Variants in CDH13 observed in about 807,000 individuals in gnomAD.
CDH13 encodes cadherin 13, also known as cadherin-13.
Under a neutral mutation model 63.8 loss-of-function variants are expected in CDH13, and 24 were observed. The observed-to-expected ratio is 0.38, with a 90% confidence interval of 0.27 to 0.53. CDH13 has a LOEUF of 0.53. Ranked by LOEUF, CDH13 falls within the 20% of genes least tolerant of loss-of-function variation. The probability of loss-of-function intolerance (pLI) is 0.85; values close to 1 mark genes in which losing one functional copy is unlikely to be tolerated. For missense variants in CDH13, 1,049 were observed against 903.1 expected (o/e 1.16, Z -2.07); for synonymous variants, 503 against 355.3 (o/e 1.42, Z -4.67).
At chr16:83,773,317 A>G (rs1345682165) in intron 11 of CDH13, among the ~76,000 whole-genome samples, 1 of 152,234 alleles carries the variant, frequency 6.6e-6, no homozygotes, top group African/African-American at 2.4e-5. Flanking sequence ...ATACTACTGT[A>G]TAGCTACTAC....
intron 6 of CDH13, among the ~76,000 whole-genome samples, chr16:83,465,816 A>C (rs565830765): frequency 6.4e-4 from 97 of 152,324 alleles, no homozygotes; most frequent in Non-Finnish European, 1.1e-3. Flanking sequence ...CAGGTGTATC[A>C]GCCGAGGAAG....
chr16:83,376,402 C>T (rs1350455049), intron 6 of CDH13, among the ~76,000 whole-genome samples: 1 of 152,012 alleles, frequency 6.6e-6, no homozygotes, highest in African/African-American at 2.4e-5. Flanking sequence ...ATGGTGGTCG[C>T]TTAAGGGAAA....
chr16:82,795,244 G>T (rs928405271), intron 1 of CDH13, among the ~76,000 whole-genome samples: 3 of 152,168 alleles, frequency 2.0e-5, no homozygotes, highest in East Asian at 3.9e-4. Flanking sequence ...TTTTCCAATG[G>T]ACATGGACAG....
intron 1 of CDH13, among the ~76,000 whole-genome samples, chr16:82,672,776 C>G (rs1421939430): frequency 6.8e-6 from 1 of 146,022 alleles, no homozygotes; most frequent in African/African-American, 2.5e-5. Context: ...TGTACACACA[C>G]ACACACACAC....
chr16:83,182,493 T>C (rs895552725), intron 4 of CDH13, among the ~76,000 whole-genome samples: 1 of 152,358 alleles, frequency 6.6e-6, no homozygotes, highest in African/African-American at 2.4e-5. Flanking sequence ...GTTCACTTTA[T>C]GATCTCCACG....
intron 1 of CDH13, among the ~76,000 whole-genome samples, chr16:82,819,989 G>A (rs577487158): frequency 5.3e-5 from 8 of 152,216 alleles, no homozygotes; most frequent in South Asian, 2.1e-4. Flanking sequence ...AAGTGGTTCC[G>A]AGAGACAGCG....
chr16:83,369,216 G>C (rs1597849142), intron 6 of CDH13, among the ~76,000 whole-genome samples: 1 of 151,484 alleles, frequency 6.6e-6, no homozygotes, highest in African/African-American at 2.4e-5. Flanking sequence ...AAAAATAATA[G>C]ATGCGGGGAA....
chr16:82,809,513 G>C (rs1395642240), intron 1 of CDH13, among the ~76,000 whole-genome samples: 2 of 152,242 alleles, frequency 1.3e-5, no homozygotes, highest in East Asian at 3.9e-4. Context: ...AAGCGTGTAA[G>C]TGATGACGCT....
At chr16:83,603,951 A>G (rs1908088443) in intron 8 of CDH13, among the ~76,000 whole-genome samples, 1 of 152,126 alleles carries the variant, frequency 6.6e-6, no homozygotes, top group African/African-American at 2.4e-5. Context: ...GGAAGGTGCC[A>G]CACACTTTTA....
chr16:83,075,284 CAG>C (rs2032751955), intron 3 of CDH13, among the ~76,000 whole-genome samples: 1 of 152,228 alleles, frequency 6.6e-6, no homozygotes, highest in African/African-American at 2.4e-5. Flanking sequence ...GTTCTTGTCT[CAG>C]GGGACCACAA....
chr16:83,471,042 T>C (rs1307424329), intron 6 of CDH13, among the ~76,000 whole-genome samples: 1 of 152,040 alleles, frequency 6.6e-6, no homozygotes, highest in Non-Finnish European at 1.5e-5. Context: ...TCTCCAGATA[T>C]CTTTCTTTGA....
At position 83,580,085 on chromosome 16, in the gene CDH13, T is replaced by C. The variant is rs116840935; in HGVS notation, c.961-22369T>C. ...GGATGAGGGGAGGAGTGGGAGGAAA[T>C]GCAGGCAGAGGGGGACAGATCTCCA... On this transcript the variant is annotated intron_variant, in intron 7 of 13. Coordinates refer to ENST00000567109, the MANE Select transcript of CDH13 (RefSeq NM_001257.5). Among the ~76,000 whole-genome samples the C allele has an allele frequency of 5.3e-3, 804 of 152,022 alleles. 1 individual carries two copies. Among genetic ancestry groups the C allele is most frequent in the Admixed American group, 9.1e-3 (138 of 15,234 alleles).
chr16:82,887,846 T>G, intron 2 of CDH13, among the ~76,000 whole-genome samples: 2 of 149,508 alleles, frequency 1.3e-5, no homozygotes, highest in Non-Finnish European at 1.5e-5. Flanking sequence ...AGGAGAAGAG[T>G]GTCTCAAGGG....
intron 2 of CDH13, among the ~76,000 whole-genome samples, chr16:82,896,894 C>T (rs1166961202): frequency 6.6e-6 from 1 of 150,692 alleles, no homozygotes; most frequent in Non-Finnish European, 1.5e-5. Flanking sequence ...CATTCTCCTG[C>T]CTCAGCCTCC....
At chr16:82,835,926 C>T (rs550883800) in intron 1 of CDH13, among the ~76,000 whole-genome samples, 2 of 152,268 alleles carry the variant, frequency 1.3e-5, no homozygotes, top group East Asian at 3.9e-4. Flanking sequence ...GAAAACAGCT[C>T]CAGGCTCTTG....
At chr16:83,289,836 A>C (rs2325935) in intron 5 of CDH13, among the ~76,000 whole-genome samples, 1 of 152,014 alleles carries the variant, frequency 6.6e-6, no homozygotes, top group Admixed American at 6.5e-5. Context: ...GATACGTTCT[A>C]TTTTATGTAA....
chr16:83,343,157 G>C (rs1305194601), intron 5 of CDH13, among the ~76,000 whole-genome samples: 1 of 151,944 alleles, frequency 6.6e-6, no homozygotes, highest in Non-Finnish European at 1.5e-5. Flanking sequence ...CTGGTAAAAG[G>C]ATGAAGTAAT....
chr16:82,766,514 C>G (rs970952852), intron 1 of CDH13, among the ~76,000 whole-genome samples: 2 of 152,180 alleles, frequency 1.3e-5, no homozygotes, highest in African/African-American at 4.8e-5. Flanking sequence ...CACCTTTCTG[C>G]CTGGTTAGCT....
intron 5 of CDH13, among the ~76,000 whole-genome samples, chr16:83,251,470 A>G (rs1597596610): frequency 6.6e-6 from 1 of 152,220 alleles, no homozygotes; most frequent in Admixed American, 6.5e-5. Context: ...GGCCAGAATC[A>G]TTCCAGATGG....
Sources: gnomAD v4.1 joint callset for allele counts (sites outside exome capture counted in the v4.1 genomes callset) on GRCh38, gnomAD v4.1.1 for gene constraint, MANE v1.5 for transcripts, NCBI Gene and HGNC (gene_info 2026-07-23, HGNC 2026-07-21) for gene names.